MAP4K3: variants seen among roughly 807,000 people sequenced by gnomAD.
MAP4K3 encodes MAPK/ERK kinase kinase kinase 3.
Under a neutral mutation model 143.5 loss-of-function variants are expected in MAP4K3, and 94 were observed. The observed-to-expected ratio is 0.65, with a 90% CI of 0.55 to 0.78. The LOEUF is 0.78. Among genes scored for constraint, MAP4K3 ranks in the 30% least tolerant of loss-of-function variants. The pLI is 0.00. For synonymous variants in MAP4K3, 416 were observed against 347.2 expected (o/e 1.20, Z -2.20); for missense variants, 1,077 against 1,068.1 (o/e 1.01, Z -0.12).
At chr2:39,335,129 G>T (rs1051340372) in intron 6 of MAP4K3, among the ~76,000 whole-genome samples, 3 of 152,116 alleles carry the variant, frequency 2.0e-5, no homozygotes, top group Non-Finnish European at 2.9e-5. Context: ...ATAAGATGAG[G>T]TCACGGAGAA....
chr2:39,386,455 G>A (rs1409060843), intron 1 of MAP4K3, among the ~76,000 whole-genome samples: 1 of 152,110 alleles, frequency 6.6e-6, no homozygotes, highest in Non-Finnish European at 1.5e-5. Context: ...TGTGCTTTTG[G>A]TATCACATCC....
intron 8 of MAP4K3, 25 bp from the exon 9 acceptor site, chr2:39,326,302 A>C: frequency 6.2e-7 from 1 of 1,609,922 alleles, no homozygotes. Context: ...CCAGAAAATA[A>C]AAAACTTCTG....
At chr2:39,394,244 G>A (rs551585421) in intron 1 of MAP4K3, among the ~76,000 whole-genome samples, 4 of 152,198 alleles carry the variant, frequency 2.6e-5, no homozygotes, top group African/African-American at 9.6e-5. Context: ...TGTTACTGCT[G>A]GATATTTACT....
chr2:39,414,128 T>C (rs563665393), intron 1 of MAP4K3, among the ~76,000 whole-genome samples: 2 of 152,288 alleles, frequency 1.3e-5, no homozygotes, highest in South Asian at 2.1e-4. Context: ...ATAAGCAACA[T>C]GTTCCTAATC....
chr2:39,312,783 T>C (rs1007452865), intron 13 of MAP4K3, among the ~76,000 whole-genome samples: 2 of 152,242 alleles, frequency 1.3e-5, no homozygotes, highest in Non-Finnish European at 2.9e-5. Context: ...ATACCTCATC[T>C]TGATAAAGGC....
intron 1 of MAP4K3, among the ~76,000 whole-genome samples, chr2:39,383,478 T>C (rs1486204741): frequency 6.6e-6 from 1 of 151,950 alleles, no homozygotes; most frequent in Non-Finnish European, 1.5e-5. Context: ...AAAGATGAAA[T>C]TTGGGTGGGG....
chr2:39,415,281 T>C (rs181200937), intron 1 of MAP4K3, among the ~76,000 whole-genome samples: 3 of 152,350 alleles, frequency 2.0e-5, no homozygotes, highest in East Asian at 1.9e-4. Flanking sequence ...TGCTTACTGA[T>C]ATGACTTTGT....
intron 19 of MAP4K3, among the ~76,000 whole-genome samples, chr2:39,289,559 A>T (rs1681945082): frequency 6.6e-6 from 1 of 152,212 alleles, no homozygotes; most frequent in South Asian, 2.1e-4. Context: ...GTTAAAAAGC[A>T]TTTAAAAATT....
chr2:39,313,296 T>C (rs1160760844), intron 13 of MAP4K3, among the ~76,000 whole-genome samples: 1 of 152,256 alleles, frequency 6.6e-6, no homozygotes, highest in East Asian at 1.9e-4. Flanking sequence ...GGGGGTTTAT[T>C]GTACAGATTA....
At chr2:39,308,646 AT>A (rs1435536311) in intron 14 of MAP4K3, among the ~76,000 whole-genome samples, 1 of 152,124 alleles carries the variant, frequency 6.6e-6, no homozygotes. Context: ...CCAATGTCTC[AT>A]TTTTTTATTG....
intron 1 of MAP4K3, among the ~76,000 whole-genome samples, chr2:39,391,086 T>C (rs1401458131): frequency 6.6e-6 from 1 of 151,972 alleles, no homozygotes; most frequent in Non-Finnish European, 1.5e-5. Context: ...CCGGGCGCGG[T>C]GGCTCAAGCC....
chr2:39,325,427 A>C (rs1683454646), intron 12 of MAP4K3, 91 bp downstream of exon 12: 1 of 780,328 alleles, frequency 1.3e-6, no homozygotes, highest in Non-Finnish European at 2.0e-6. Flanking sequence ...CCCAAAATTA[A>C]AAAAATGGAT....
intron 15 of MAP4K3, among the ~76,000 whole-genome samples, chr2:39,301,101 C>T (rs1053308100): frequency 6.6e-6 from 1 of 152,054 alleles, no homozygotes; most frequent in Non-Finnish European, 1.5e-5. Context: ...AAGAGAGAAG[C>T]ACTTTAAAAT....
Position 39,342,128 on chromosome 2 carries a change from A to ATTG in MAP4K3, c.310+1259_310+1260insCAA, listed in dbSNP as rs2148534082. Among the ~76,000 whole-genome samples the ATTG allele has an allele frequency of 4.1e-5, 6 of 147,564 alleles. 1 individual carries two copies. The South Asian group carries it at 1.3e-3, about 32-fold the overall frequency. ...TTCTAGTATTATTATTATTATTATT[A>ATTG]TTATTATTATTATTATTATTATTAT... On this transcript the variant is annotated intron_variant, in intron 4 of 33. Transcript: ENST00000263881.
At chr2:39,358,937 C>A (rs566180865) in intron 2 of MAP4K3, among the ~76,000 whole-genome samples, 5 of 152,254 alleles carry the variant, frequency 3.3e-5, no homozygotes, top group Admixed American at 1.3e-4. Context: ...CTACATCATT[C>A]CACTCCTGGC....
intron 28 of MAP4K3, among the ~76,000 whole-genome samples, chr2:39,263,530 C>T (rs186443270): frequency 0.033 from 4,967 of 151,420 alleles, 117 homozygotes; most frequent in South Asian, 0.054. Flanking sequence ...CCGCCCGCCT[C>T]GGCCTCCCAA....
chr2:39,356,238 A>C lies in MAP4K3; in HGVS notation c.245+11T>G, dbSNP rs181421381. The C allele has an allele frequency of 1.7e-4, 257 of 1,511,318 alleles. 1 individual carries two copies. In the African/African-American group the frequency reaches 3.4e-3, roughly 20 times the overall value. The allele number at this position is 1,511,318 out of a possible 1,614,324, so 93.6% of individuals were successfully genotyped here. On this transcript the variant is annotated intron_variant, in intron 3 of 33. Coordinates refer to ENST00000263881, the MANE Select transcript of MAP4K3 (RefSeq NM_003618.4). ...CATTATTGCTTTTCAAAAGGGAAAC[A>C]AACAGTATACCTGAGATAGCTTCCA... is the stretch of plus-strand genomic sequence containing the variant.
chr2:39,318,589 A>G (rs1573142578), intron 12 of MAP4K3, among the ~76,000 whole-genome samples: 1 of 152,280 alleles, frequency 6.6e-6, no homozygotes, highest in African/African-American at 2.4e-5. Flanking sequence ...TATTTAGAGA[A>G]GCACTGATGA....
At chr2:39,390,345 A>G (rs1666618220) in intron 1 of MAP4K3, among the ~76,000 whole-genome samples, 2 of 152,234 alleles carry the variant, frequency 1.3e-5, no homozygotes, top group South Asian at 2.1e-4. Context: ...TAAACAACTC[A>G]GCATGGAAAT....
Sources: gnomAD v4.1 joint callset for allele counts (sites outside exome capture counted in the v4.1 genomes callset) on GRCh38, gnomAD v4.1.1 for gene constraint, MANE v1.5 for transcripts, NCBI Gene and HGNC (gene_info 2026-07-23, HGNC 2026-07-21) for gene names.